AGBL4: variants seen among roughly 807,000 people sequenced by gnomAD.
AGBL4 encodes the protein AGBL carboxypeptidase 4, also known as cytosolic carboxypeptidase 6.
AGBL4 carries 58 observed loss-of-function variants against 66.4 expected under a neutral mutation model. The observed-to-expected ratio is 0.87, with a 90% CI of 0.71 to 1.09. The LOEUF (loss-of-function observed/expected upper bound fraction) is 1.09, where lower values mean the gene tolerates loss of function less well. AGBL4 is among the 50% of genes least tolerant of loss of function. AGBL4 has a pLI of 0.00. For synonymous variants in AGBL4, 234 were observed against 222.9 expected (o/e 1.05, Z -0.44); for missense variants, 579 against 631.0 (o/e 0.92, Z 0.88).
intron 3 of AGBL4, among the ~76,000 whole-genome samples, chr1:49,462,666 G>A (rs1646540785): frequency 1.3e-5 from 2 of 151,784 alleles, no homozygotes; most frequent in South Asian, 4.2e-4. Flanking sequence ...GATGTTACAG[G>A]GTTACAAATG....
At chr1:49,165,026 C>G (rs1178613667) in intron 4 of AGBL4, among the ~76,000 whole-genome samples, 1 of 152,136 alleles carries the variant, frequency 6.6e-6, no homozygotes, top group Non-Finnish European at 1.5e-5. Flanking sequence ...TACTCCAAAA[C>G]AGCTCCTAAA....
At chr1:49,945,248 C>T (rs945516530) in intron 1 of AGBL4, among the ~76,000 whole-genome samples, 1 of 152,012 alleles carries the variant, frequency 6.6e-6, no homozygotes, top group Non-Finnish European at 1.5e-5. Flanking sequence ...AAGATCATCA[C>T]CTAGGCACAT....
At chr1:49,161,619 T>C (rs1437734282) in intron 4 of AGBL4, among the ~76,000 whole-genome samples, 1 of 152,148 alleles carries the variant, frequency 6.6e-6, no homozygotes, top group Non-Finnish European at 1.5e-5. Flanking sequence ...TTATTCTAGT[T>C]TCACATCTGG....
chr1:49,834,852 G>A (rs1473817663), intron 2 of AGBL4, among the ~76,000 whole-genome samples: 1 of 152,164 alleles, frequency 6.6e-6, no homozygotes, highest in Non-Finnish European at 1.5e-5. Context: ...TCAGGAGCAG[G>A]TTGTTCAGTT....
intron 2 of AGBL4, among the ~76,000 whole-genome samples, chr1:49,698,059 T>G (rs1347674847): frequency 1.3e-5 from 2 of 152,258 alleles, no homozygotes; most frequent in African/African-American, 2.4e-5. Flanking sequence ...ATGTGTAAAC[T>G]TAGGTGTTAT....
intron 2 of AGBL4, among the ~76,000 whole-genome samples, chr1:49,846,946 A>C (rs1389436521): frequency 6.6e-5 from 10 of 152,226 alleles, no homozygotes; most frequent in Non-Finnish European, 1.2e-4. Context: ...TTCATATTGT[A>C]CCCAAAGGAG....
chr1:49,829,662 A>G (rs1465317382), intron 2 of AGBL4, among the ~76,000 whole-genome samples: 2 of 152,204 alleles, frequency 1.3e-5, no homozygotes, highest in East Asian at 1.9e-4. Flanking sequence ...ACATGTGCGG[A>G]ACGGTGCAGG....
intron 6 of AGBL4, among the ~76,000 whole-genome samples, chr1:48,705,428 A>T (rs1646867631): frequency 6.6e-6 from 1 of 152,232 alleles, no homozygotes; most frequent in Non-Finnish European, 1.5e-5. Flanking sequence ...AAAATTGTTA[A>T]CATTTATTGC....
At chr1:49,494,705 T>C (rs1224909190) in intron 3 of AGBL4, among the ~76,000 whole-genome samples, 4 of 152,152 alleles carry the variant, frequency 2.6e-5, no homozygotes, top group African/African-American at 9.7e-5. Context: ...TCCAAGTCTT[T>C]GCTATTGTGA....
At chr1:48,984,098 G>T (rs1021039309) in intron 5 of AGBL4, among the ~76,000 whole-genome samples, 2 of 152,022 alleles carry the variant, frequency 1.3e-5, no homozygotes, top group Non-Finnish European at 2.9e-5. Flanking sequence ...ACAAGGATAT[G>T]ATATTGCTAA....
intron 1 of AGBL4, among the ~76,000 whole-genome samples, chr1:49,866,721 G>GC (rs1477435236): frequency 1.3e-5 from 2 of 151,944 alleles, no homozygotes; most frequent in African/African-American, 4.8e-5. Context: ...CCGAGATCAC[G>GC]CCATTGCACT....
chr1:48,593,526 C>A (rs2148351627), intron 9 of AGBL4, among the ~76,000 whole-genome samples: 1 of 151,904 alleles, frequency 6.6e-6, no homozygotes, highest in African/African-American at 2.4e-5. Flanking sequence ...CAAAGGCAGG[C>A]AGATCACGAA....
chr1:49,479,703 CTT>C (rs1351125149), intron 3 of AGBL4, among the ~76,000 whole-genome samples: 21 of 136,810 alleles, frequency 1.5e-4, no homozygotes, highest in Non-Finnish European at 2.2e-4. Context: ...TTCTTTTTTT[CTT>C]TTTTTTTTTT....
chr1:48,969,452 C>T (rs1015341365), intron 5 of AGBL4, among the ~76,000 whole-genome samples: 6 of 152,066 alleles, frequency 3.9e-5, no homozygotes, highest in Non-Finnish European at 8.8e-5. Flanking sequence ...GCTATGAAAT[C>T]CTCAATTTCT....
intron 11 of AGBL4, among the ~76,000 whole-genome samples, chr1:48,553,813 C>T (rs1391322027): frequency 6.6e-6 from 1 of 152,138 alleles, no homozygotes; most frequent in African/African-American, 2.4e-5. Context: ...CATTTTCTAA[C>T]CTGTTCCCTT....
rs565450975 is a variant in AGBL4, at chr1:48,565,094, C to T, written c.1267+21910G>A. On this transcript the variant is annotated intron_variant, in intron 11 of 13. Coordinates refer to ENST00000371839, the MANE Select transcript of AGBL4 (RefSeq NM_032785.4). ...GTGAGTAAGCCAATCCCATCATACACCTGGCCCAGGCAAGACGTTATTAAT... is the reference window on the plus strand; with the variant it reads ...GTGAGTAAGCCAATCCCATCATACATCTGGCCCAGGCAAGACGTTATTAAT... Among the ~76,000 whole-genome samples the T allele has an allele frequency of 2.6e-5, 4 of 152,334 alleles. No individual in the cohort carries two copies. The South Asian group carries it at 8.3e-4, about 32-fold the overall frequency.
intron 3 of AGBL4, among the ~76,000 whole-genome samples, chr1:49,493,623 A>G (rs1647271326): frequency 6.6e-6 from 1 of 151,962 alleles, no homozygotes; most frequent in African/African-American, 2.4e-5. Context: ...CCAGGGTAAC[A>G]GGAACCCAAG....
rs75443251 is a variant in AGBL4, at chr1:48,974,587, G to A, written c.594+70997C>T. ...TTTTATTTTTATAAAACTTGATAGA[G>A]GAGAAATTTATGAACCAAAATCTAA... On this transcript the variant is annotated intron_variant, in intron 5 of 13. Coordinates refer to ENST00000371839, the MANE Select transcript of AGBL4 (RefSeq NM_032785.4). 2.0e-4 allele frequency among the ~76,000 whole-genome samples: 31 copies of A among 152,162 alleles called. No homozygotes were observed. The East Asian group carries it at 5.8e-3, about 29-fold the overall frequency.
intron 3 of AGBL4, among the ~76,000 whole-genome samples, chr1:49,273,461 CTAAA>C (rs1049115476): frequency 6.7e-6 from 1 of 149,886 alleles, no homozygotes; most frequent in Non-Finnish European, 1.5e-5. Context: ...AAAAATAAAA[CTAAA>C]TATAAAAAAT....
Sources: allele counts gnomAD v4.1 joint callset (sites outside exome capture counted in the v4.1 genomes callset), GRCh38; gene constraint gnomAD v4.1.1; transcripts MANE v1.5; gene names NCBI Gene and HGNC (gene_info 2026-07-23, HGNC 2026-07-21).